Variants in THSD4 observed in about 807,000 individuals in gnomAD.
The protein encoded by THSD4 is thrombospondin type 1 domain containing 4.
A neutral mutation model predicts 119.0 loss-of-function variants in THSD4; 69 were observed. The observed-to-expected ratio is 0.58, with a 90% CI of 0.48 to 0.71. THSD4 has a LOEUF of 0.71. Among genes scored for constraint, THSD4 ranks in the 30% least tolerant of loss-of-function variants. The pLI, the probability that THSD4 is intolerant of heterozygous loss-of-function variation, is 0.00. For synonymous variants in THSD4, 524 were observed against 540.4 expected (o/e 0.97, Z 0.42); for missense variants, 1,393 against 1,391.1 (o/e 1.00, Z -0.02).
At chr15:71,300,783 T>A (rs996568427) in intron 6 of THSD4, among the ~76,000 whole-genome samples, 6 of 152,114 alleles carry the variant, frequency 3.9e-5, no homozygotes, top group African/African-American at 1.2e-4. Context: ...GATTAAGAAA[T>A]TACAAGCAAG....
At chr15:71,249,099 TCATA>T (rs2044232777) in intron 5 of THSD4, among the ~76,000 whole-genome samples, 1 of 152,100 alleles carries the variant, frequency 6.6e-6, no homozygotes, top group Non-Finnish European at 1.5e-5. Context: ...ACTGACCTTT[TCATA>T]CATATATATA....
chr15:71,313,288 A>G (rs1403568211), intron 6 of THSD4, among the ~76,000 whole-genome samples: 1 of 151,906 alleles, frequency 6.6e-6, no homozygotes, highest in Admixed American at 6.6e-5. Flanking sequence ...GTGTGTGTAC[A>G]TGCATGTGCT....
chr15:71,589,294 T>G lies in THSD4; in HGVS notation c.1153-71236T>G, dbSNP rs971947756. Among the ~76,000 whole-genome samples, 6 of 89,956 alleles carry G rather than the reference T, an allele frequency of 6.7e-5. 1 individual carries two copies. In the East Asian group the frequency reaches 1.2e-3, roughly 18 times the overall value. The allele number at this position is 89,956 out of a possible 152,430, so 59.0% of individuals were successfully genotyped here. A position where few individuals can be genotyped will look rare whatever the true frequency, so the allele number is the denominator to read the frequency against. On this transcript the variant is annotated intron_variant, in intron 7 of 17. Transcript: ENST00000261862. ...TAAAATAGTTCCAATTTGTGTGTGT[T>G]TGTGTGTGTGCATACATATTTTGTG...
At chr15:71,313,093 T>C (rs1606887) in intron 6 of THSD4, among the ~76,000 whole-genome samples, 93,566 of 151,912 alleles carry the variant, frequency 0.62, 29,471 homozygotes, top group East Asian at 0.74. Flanking sequence ...AAGGTTTTTT[T>C]CCTATGTGTT....
At chr15:71,423,241 C>T (rs2046830693) in intron 7 of THSD4, among the ~76,000 whole-genome samples, 1 of 152,180 alleles carries the variant, frequency 6.6e-6, no homozygotes, top group Non-Finnish European at 1.5e-5. Context: ...CTTCCCTCTG[C>T]TTTTCTCAAG....
intron 6 of THSD4, among the ~76,000 whole-genome samples, chr15:71,403,351 G>A (rs1449281644): frequency 1.3e-5 from 2 of 152,112 alleles, no homozygotes; most frequent in Admixed American, 1.3e-4. Context: ...ATTTTGAAAT[G>A]GCTATGCCTC....
chr15:71,543,289 A>G (rs1362243259), intron 7 of THSD4, among the ~76,000 whole-genome samples: 3 of 152,202 alleles, frequency 2.0e-5, no homozygotes, highest in African/African-American at 7.2e-5. Flanking sequence ...GGAGAGTGAC[A>G]TGATTGGAGT....
chr15:71,192,047 T>C (rs1187107292), intron 3 of THSD4, among the ~76,000 whole-genome samples: 1 of 151,638 alleles, frequency 6.6e-6, no homozygotes, highest in African/African-American at 2.4e-5. Flanking sequence ...GGATTACAGG[T>C]GCCCACCACT....
chr15:71,589,273 A>G (rs551564356), intron 7 of THSD4, among the ~76,000 whole-genome samples: 2 of 89,186 alleles, frequency 2.2e-5, no homozygotes, highest in African/African-American at 6.3e-5. Context: ...ATTTCATAAA[A>G]TAGTTCCAAT....
chr15:71,455,429 G>T (rs2047325612), intron 7 of THSD4, among the ~76,000 whole-genome samples: 1 of 151,974 alleles, frequency 6.6e-6, no homozygotes. Context: ...ATTGGAGAGT[G>T]TTCTTTATCT....
intron 7 of THSD4, among the ~76,000 whole-genome samples, chr15:71,475,982 G>C (rs1035364896): frequency 6.6e-6 from 1 of 152,086 alleles, no homozygotes; most frequent in Non-Finnish European, 1.5e-5. Flanking sequence ...TGGGCTTTGG[G>C]CTCATATCCC....
intron 6 of THSD4, among the ~76,000 whole-genome samples, chr15:71,380,959 C>T (rs74021976): frequency 2.0e-5 from 3 of 152,056 alleles, no homozygotes; most frequent in Non-Finnish European, 4.4e-5. Context: ...AATTTAATGT[C>T]GTCCCTCTGT....
chr15:71,543,159 T>C (rs1269657667), intron 7 of THSD4, among the ~76,000 whole-genome samples: 1 of 152,238 alleles, frequency 6.6e-6, no homozygotes, highest in Admixed American at 6.5e-5. Flanking sequence ...TTTTCATAAA[T>C]GTATCATAGT....
chr15:71,627,064 TG>T (rs997708103), intron 7 of THSD4, among the ~76,000 whole-genome samples: 4 of 144,436 alleles, frequency 2.8e-5, no homozygotes, highest in Non-Finnish European at 4.5e-5. Flanking sequence ...CTGTTTCTTT[TG>T]TGTTGGTTTT....
At chr15:71,199,315 T>C (rs28489006) in intron 3 of THSD4, among the ~76,000 whole-genome samples, 1,726 of 152,364 alleles carry the variant, frequency 0.011, 39 homozygotes, top group African/African-American at 0.04. Flanking sequence ...TTTGCTTTTC[T>C]CTTCTCTGCA....
At position 71,728,691 on chromosome 15, in the gene THSD4, G is replaced by C. The variant is rs139510947; in HGVS notation, c.1500G>C (p.Ala500=). The change falls in exon 9 of 18, where the codon GCG becomes GCC. Residue 500 remains alanine (A), a synonymous_variant. Transcript: ENST00000261862. The part of the protein sequence containing the change: ...ISSTAGESFL[A]EGPTNEILDV... ...GCACTGCCGGAGAGTCCTTTTTGGC[G>C]GAAGGTCCCACCAACGAGATCTTGG... 6.2e-7 allele frequency: 1 copy of C among 1,614,052 alleles called. No individual in the cohort carries two copies. Among genetic ancestry groups the C allele is most frequent in the Non-Finnish European group, 8.5e-7 (1 of 1,180,042 alleles).
intron 6 of THSD4, among the ~76,000 whole-genome samples, chr15:71,370,117 C>T (rs13329656): frequency 1.3e-5 from 2 of 151,970 alleles, no homozygotes; most frequent in South Asian, 2.1e-4. Flanking sequence ...TCTGTGGGAT[C>T]AGCGGTGATA....
chr15:71,293,422 G>A, intron 6 of THSD4, among the ~76,000 whole-genome samples: 1 of 152,104 alleles, frequency 6.6e-6, no homozygotes, highest in East Asian at 1.9e-4. Flanking sequence ...TGGGTCTGCA[G>A]CCCCTTCTCA....
intron 6 of THSD4, among the ~76,000 whole-genome samples, chr15:71,399,960 T>C (rs2046504941): frequency 6.6e-6 from 1 of 152,194 alleles, no homozygotes; most frequent in South Asian, 2.1e-4. Flanking sequence ...TGATTTTTTT[T>C]CAGGGTTTAA....
Sources: allele counts gnomAD v4.1 joint callset (sites outside exome capture counted in the v4.1 genomes callset), GRCh38; gene constraint gnomAD v4.1.1; transcripts MANE v1.5; gene names NCBI Gene and HGNC (gene_info 2026-07-23, HGNC 2026-07-21).